The following SAMD5 variants were observed in gnomAD, a reference collection of about 807,000 sequenced individuals.
SAMD5 encodes the protein sterile alpha motif domain containing 5.
In SAMD5, 13 loss-of-function variants were observed where a neutral mutation model predicts 11.3. The ratio of observed to expected loss-of-function variants is 1.15; its 90% CI spans 0.75 to 1.83. The LOEUF is 1.83. Ranked by LOEUF, SAMD5 falls within the 40% of genes most tolerant of loss-of-function variation. The probability of loss-of-function intolerance (pLI) is 0.00; values close to 1 mark genes in which losing one functional copy is unlikely to be tolerated. For missense variants in SAMD5, 255 were observed against 239.1 expected (o/e 1.07, Z -0.44); for synonymous variants, 129 against 111.3 (o/e 1.16, Z -1.00).
At chr6:147,670,753 A>G (rs1790783632) in intron 1 of SAMD5, among the ~76,000 whole-genome samples, 1 of 152,236 alleles carries the variant, frequency 6.6e-6, no homozygotes, top group African/African-American at 2.4e-5. Context: ...AGTTAAAGGA[A>G]TGTTGTGGCT....
downstream of SAMD5, chr6:147,570,142 C>T (rs746283693): frequency 3.9e-4 from 195 of 493,692 alleles, no homozygotes; most frequent in Non-Finnish European, 4.9e-4. Context: ...CATGGGAAAT[C>T]AGAGTTCTAA....
intron 1 of SAMD5, among the ~76,000 whole-genome samples, chr6:147,509,733 T>G (rs1788059095): frequency 6.6e-6 from 1 of 152,170 alleles, no homozygotes; most frequent in African/African-American, 2.4e-5. Context: ...GTTTTGGGTT[T>G]GAAGAGTACC....
At chr6:147,791,855 T>C in the SAMD5 span, among the ~76,000 whole-genome samples, 36 of 152,322 alleles carry the variant, frequency 2.4e-4, no homozygotes, top group African/African-American at 8.7e-4. Context: ...GCATATTTTA[T>C]GCCAATTATA....
chr6:147,858,873 G>A, the SAMD5 span, among the ~76,000 whole-genome samples: 1 of 152,156 alleles, frequency 6.6e-6, no homozygotes, highest in Non-Finnish European at 1.5e-5. Flanking sequence ...ACTATTCTTT[G>A]GGAATACAGC....
At chr6:147,699,725 G>GT (rs1162731174) in intron 1 of SAMD5, among the ~76,000 whole-genome samples, 1 of 152,094 alleles carries the variant, frequency 6.6e-6, no homozygotes, top group African/African-American at 2.4e-5. Context: ...GATGCATATT[G>GT]TTAGCTAGTT....
intron 1 of SAMD5, among the ~76,000 whole-genome samples, chr6:147,618,642 A>G (rs1789910661): frequency 6.6e-6 from 1 of 152,254 alleles, no homozygotes; most frequent in Non-Finnish European, 1.5e-5. Flanking sequence ...ACTAACACCC[A>G]GTCCTTGGCG....
the SAMD5 span, among the ~76,000 whole-genome samples, chr6:147,902,286 C>T: frequency 1.3e-5 from 2 of 151,776 alleles, no homozygotes; most frequent in Non-Finnish European, 2.9e-5. Flanking sequence ...TTATAAAATC[C>T]AGTTAGGGTT....
chr6:147,540,706 CT>C (rs1215925271), intron 1 of SAMD5, among the ~76,000 whole-genome samples: 1 of 152,124 alleles, frequency 6.6e-6, no homozygotes, highest in Non-Finnish European at 1.5e-5. Context: ...CTCACAAATC[CT>C]TTTTCTGTTC....
In SAMD5 at chr6:147,616,287, A is replaced by AT. The variant is rs527496896; in HGVS notation, c.162+106900_162+106901insT. ...ATTTCATATATATTTATTCATATAT[A>AT]CTTCATATATATTTCATATATATTT... On this transcript the variant is annotated intron_variant, in intron 1 of 1. Transcript: ENST00000566741. Among the ~76,000 whole-genome samples the AT allele has an allele frequency of 1.9e-5, 2 of 107,022 alleles. 1 individual carries two copies. Among genetic ancestry groups the AT allele is most frequent in the African/African-American group, 1.5e-4 (2 of 13,144 alleles). 70.2% of individuals were successfully genotyped at this position (107,022 alleles called of 152,430 possible).
chr6:147,798,159 TA>T, the SAMD5 span, among the ~76,000 whole-genome samples: 1 of 145,484 alleles, frequency 6.9e-6, no homozygotes, highest in Admixed American at 6.8e-5. Context: ...ATTGTGATGT[TA>T]GGGTGTCAAT....
At chr6:147,905,190 T>C in the SAMD5 span, among the ~76,000 whole-genome samples, 1 of 151,916 alleles carries the variant, frequency 6.6e-6, no homozygotes. Context: ...GCCCGGCCTT[T>C]TTTTTTCTTT....
the SAMD5 span, among the ~76,000 whole-genome samples, chr6:147,925,459 G>A: frequency 2.0e-5 from 3 of 151,722 alleles, no homozygotes; most frequent in African/African-American, 7.3e-5. Context: ...ATAAACACTT[G>A]TTATAGGAAC....
chr6:147,634,467 C>T (rs1790195589), intron 1 of SAMD5, among the ~76,000 whole-genome samples: 1 of 152,180 alleles, frequency 6.6e-6, no homozygotes, highest in Non-Finnish European at 1.5e-5. Context: ...TCCTCCAACA[C>T]TGGGGATCAC....
At chr6:147,730,006 A>C (rs1791688645) in intron 1 of SAMD5, 1 of 407,372 alleles carries the variant, frequency 2.5e-6, no homozygotes, top group Non-Finnish European at 4.7e-6. Flanking sequence ...AATTGCTTGA[A>C]CCCGGGAGGT....
the SAMD5 span, among the ~76,000 whole-genome samples, chr6:147,743,984 T>A: frequency 1.3e-5 from 2 of 152,224 alleles, no homozygotes; most frequent in Admixed American, 6.5e-5. Context: ...GTTTAGTGTT[T>A]ATTAAATGCT....
At chr6:147,618,480 T>C (rs901016913) in intron 1 of SAMD5, among the ~76,000 whole-genome samples, 5 of 152,176 alleles carry the variant, frequency 3.3e-5, no homozygotes. Flanking sequence ...AGTAGGCTGG[T>C]CCTACAAGAG....
At chr6:147,873,628 A>G in the SAMD5 span, among the ~76,000 whole-genome samples, 268 of 152,230 alleles carry the variant, frequency 1.8e-3, 7 homozygotes, top group East Asian at 0.026. Context: ...CTTACTAGTT[A>G]TTATATGGAT....
chr6:147,593,081 G>T (rs760031903), intron 1 of SAMD5, among the ~76,000 whole-genome samples: 12 of 152,264 alleles, frequency 7.9e-5, no homozygotes, highest in Middle Eastern at 3.4e-3. Flanking sequence ...AAATGGTGTG[G>T]TAGAGGGAAG....
rs1324011278 is a variant in SAMD5 at position 147,716,525 on chromosome 6, C to T, written c.163-20792C>T. Among the ~76,000 whole-genome samples the T allele has an allele frequency of 4.6e-5, 7 of 152,366 alleles. No individual in the cohort carries two copies. The East Asian group carries it at 9.7e-4, about 21-fold the overall frequency. On this transcript the variant is annotated intron_variant, in intron 1 of 1. Transcript: ENST00000566741. ...CCTGGCCCCCAAGAGCACAGGGATGCCCAGGTCTGCAGACACGGCTGGGCA... is the reference window on the plus strand; with the variant it reads ...CCTGGCCCCCAAGAGCACAGGGATGTCCAGGTCTGCAGACACGGCTGGGCA...
Sources: gnomAD v4.1 joint callset for allele counts (sites outside exome capture counted in the v4.1 genomes callset) on GRCh38, gnomAD v4.1.1 for gene constraint, MANE v1.5 for transcripts, NCBI Gene and HGNC (gene_info 2026-07-23, HGNC 2026-07-21) for gene names.